The following RBM20 variants were observed in gnomAD, a reference collection of about 807,000 sequenced individuals.
RBM20 encodes RNA-binding protein 20.
In RBM20, 51 loss-of-function variants were observed where a neutral mutation model predicts 110.1. That is an observed-to-expected ratio of 0.46 (90% CI 0.37 to 0.59). RBM20 has a LOEUF of 0.59. Among genes scored for constraint, RBM20 ranks in the 20% least tolerant of loss-of-function variants. The probability of loss-of-function intolerance (pLI) is 0.00; values close to 1 mark genes in which losing one functional copy is unlikely to be tolerated. For synonymous variants in RBM20, 589 were observed against 618.2 expected (o/e 0.95, Z 0.70); for missense variants, 1,512 against 1,574.9 (o/e 0.96, Z 0.68).
chr10:110,836,339 C>A lies in RBM20; in HGVS notation c.*361C>A. 1 of 163,584 alleles carries A rather than the reference C, an allele frequency of 6.1e-6. No individual in the cohort carries two copies. Among genetic ancestry groups the A allele is most frequent in the Non-Finnish European group, 1.3e-5 (1 of 75,494 alleles). The allele number at this position is 163,584 out of a possible 1,614,324, so 10.1% of individuals were successfully genotyped here. ...AAACCCAACTTCTCAGGGATTTTCACAGTGTTTAAATTCTTGGTAGGATAT... is the reference window on the plus strand; with the variant it reads ...AAACCCAACTTCTCAGGGATTTTCAAAGTGTTTAAATTCTTGGTAGGATAT... On this transcript the variant is annotated 3_prime_UTR_variant, in exon 14 of 14. Transcript: ENST00000369519.
intron 5 of RBM20, among the ~76,000 whole-genome samples, chr10:110,789,521 G>A (rs980168534): frequency 1.3e-5 from 2 of 151,652 alleles, no homozygotes; most frequent in Admixed American, 1.3e-4. Context: ...GCAGTGGCAT[G>A]ATCATGGCTT....
chr10:110,694,503 G>T lies in RBM20; in HGVS notation c.191+49858G>T, dbSNP rs115549186. On this transcript the variant is annotated intron_variant, in intron 1 of 13. Transcript: ENST00000369519. ...ATGGCCTTGGAAACCTTCCAGAATT[G>T]TAAGTGAAAGCTGATATTCTCTCCA... 5.0e-3 allele frequency among the ~76,000 whole-genome samples: 762 copies of T among 152,272 alleles called. 5 individuals carry two copies. Among genetic ancestry groups the T allele is most frequent in the African/African-American group, 0.017 (726 of 41,570 alleles).
chr10:110,759,138 A>G (rs996343319), intron 1 of RBM20, among the ~76,000 whole-genome samples: 3 of 152,206 alleles, frequency 2.0e-5, no homozygotes, highest in Admixed American at 2.0e-4. Flanking sequence ...TTGTCTGTGC[A>G]GGATGTAGCC....
Position 110,835,864 on chromosome 10 carries a change from A to G in RBM20, c.3574-4A>G. On this transcript the variant is annotated splice_polypyrimidine_tract_variant and splice_region_variant and intron_variant, in intron 13 of 13. Transcript: ENST00000369519. ...TTCCTCCACTTCCCCTCTTCTTTCC[A>G]CAGAAATATTTGTCCCAGCTGGCCG... is the stretch of plus-strand genomic sequence containing the variant. 6.5e-7 allele frequency: 1 copy of G among 1,550,292 alleles called. No individual in the cohort carries two copies. The highest frequency in any genetic ancestry group is 1.2e-5 in the South Asian group (1 of 83,926).
intron 1 of RBM20, among the ~76,000 whole-genome samples, chr10:110,759,856 C>CCTTA (rs1219026649): frequency 6.6e-6 from 1 of 152,182 alleles, no homozygotes; most frequent in Non-Finnish European, 1.5e-5. Flanking sequence ...TGACCTAGTA[C>CCTTA]CACCCTGAAA....
intron 1 of RBM20, among the ~76,000 whole-genome samples, chr10:110,723,132 A>T (rs935531303): frequency 6.6e-6 from 1 of 150,706 alleles, no homozygotes; most frequent in African/African-American, 2.4e-5. Flanking sequence ...AAAAAAAATC[A>T]TCCCAGCAAC....
At chr10:110,711,676 A>G (rs1027816140) in intron 1 of RBM20, among the ~76,000 whole-genome samples, 2 of 152,234 alleles carry the variant, frequency 1.3e-5, no homozygotes, top group Non-Finnish European at 2.9e-5. Flanking sequence ...TACTCTGTGA[A>G]CTGAGACTGC....
chr10:110,670,490 T>A (rs2134839723), intron 1 of RBM20, among the ~76,000 whole-genome samples: 1 of 152,314 alleles, frequency 6.6e-6, no homozygotes, highest in East Asian at 1.9e-4. Context: ...GGCTTCTGCT[T>A]CTTTCACCAT....
intron 5 of RBM20, among the ~76,000 whole-genome samples, chr10:110,797,274 G>A (rs1198876923): frequency 1.3e-5 from 2 of 152,078 alleles, no homozygotes; most frequent in African/African-American, 4.8e-5. Context: ...CCTGGGTGAT[G>A]GGAGTGAGAC....
At chr10:110,727,504 C>G (rs1843576725) in intron 1 of RBM20, among the ~76,000 whole-genome samples, 1 of 151,430 alleles carries the variant, frequency 6.6e-6, no homozygotes, top group Non-Finnish European at 1.5e-5. Flanking sequence ...GTTGGGTTGA[C>G]TTTTAAACTT....
intron 1 of RBM20, among the ~76,000 whole-genome samples, chr10:110,722,194 T>C (rs1342109952): frequency 6.6e-6 from 1 of 152,196 alleles, no homozygotes; most frequent in African/African-American, 2.4e-5. Flanking sequence ...TGATTTGAAA[T>C]GATTAATGGG....
intron 1 of RBM20, among the ~76,000 whole-genome samples, chr10:110,731,456 C>T (rs1843620365): frequency 2.0e-5 from 3 of 152,204 alleles, no homozygotes; most frequent in Admixed American, 2.0e-4. Context: ...TAGGTTCTTA[C>T]ACCTGTACCC....
chr10:110,822,035 G>T, intron 11 of RBM20, 100 bp downstream of exon 11: 1 of 1,177,930 alleles, frequency 8.5e-7, no homozygotes, highest in Non-Finnish European at 1.2e-6. Flanking sequence ...CATAAGTAAG[G>T]TTTCAACTAG....
intron 7 of RBM20, among the ~76,000 whole-genome samples, chr10:110,803,372 G>C (rs749627879): frequency 1.2e-4 from 19 of 152,166 alleles, no homozygotes; most frequent in Non-Finnish European, 5.9e-5. Context: ...CAGGTAATTT[G>C]CTTATAGTCA....
chr10:110,741,885 C>T (rs910015275), intron 1 of RBM20, among the ~76,000 whole-genome samples: 5 of 152,262 alleles, frequency 3.3e-5, no homozygotes, highest in Non-Finnish European at 7.4e-5. Flanking sequence ...GCCCACTTCC[C>T]ACCCAGTGTG....
upstream of RBM20, among the ~76,000 whole-genome samples, chr10:110,644,154 G>A (rs1861828886): frequency 1.3e-5 from 2 of 152,148 alleles, no homozygotes; most frequent in Non-Finnish European, 2.9e-5. The surrounding 1 kb of genome is among the most constrained non-coding windows in gnomAD (Gnocchi z 4.3). Context: ...GCCCAGGGTC[G>A]GCGGGCAGAG....
intron 1 of RBM20, among the ~76,000 whole-genome samples, chr10:110,751,091 G>A (rs1430699464): frequency 1.3e-5 from 2 of 152,152 alleles, no homozygotes; most frequent in African/African-American, 4.8e-5. Context: ...TTTTCCACTG[G>A]GGCTACATAC....
chr10:110,643,268 C>T (rs1260557355), upstream of RBM20, among the ~76,000 whole-genome samples: 2 of 152,254 alleles, frequency 1.3e-5, no homozygotes, highest in Admixed American at 1.3e-4. Context: ...GCCGGACAGC[C>T]GGTAAGGTCT....
chr10:110,816,521 C>T (rs181756012), intron 9 of RBM20, among the ~76,000 whole-genome samples: 89 of 152,128 alleles, frequency 5.9e-4, no homozygotes, highest in African/African-American at 2.0e-3. Context: ...CGCTGCAGAC[C>T]ACCTCAACAC....
Sources: allele counts gnomAD v4.1 joint callset (sites outside exome capture counted in the v4.1 genomes callset), GRCh38; gene constraint gnomAD v4.1.1; non-coding constraint Gnocchi (gnomAD v3.1); transcripts MANE v1.5; gene names NCBI Gene and HGNC (gene_info 2026-07-23, HGNC 2026-07-21).